Variants in DAGLA observed in about 807,000 individuals in gnomAD.
DAGLA encodes diacylglycerol lipase alpha.
In DAGLA, 22 loss-of-function variants were observed where a neutral mutation model predicts 102.6. That is an observed-to-expected ratio of 0.21 (90% confidence interval 0.15 to 0.31). The LOEUF (loss-of-function observed/expected upper bound fraction) is 0.31, where lower values mean the gene tolerates loss of function less well. Among genes scored for constraint, DAGLA ranks in the 10% least tolerant of loss-of-function variants. The pLI, the probability that DAGLA is intolerant of heterozygous loss-of-function variation, is 1.00. For missense variants in DAGLA, 927 were observed against 1,446.6 expected (o/e 0.64, Z 5.83); for synonymous variants, 578 against 628.9 (o/e 0.92, Z 1.21).
chr11:61,728,948 G>C lies in DAGLA; in HGVS notation c.789G>C (p.Leu263Phe). The C allele has an allele frequency of 1.2e-6, 2 of 1,614,144 alleles. No individual in the cohort carries two copies. The highest frequency in any genetic ancestry group is 2.2e-5 in the South Asian group (2 of 91,078). ...AVLDEANNDI[L>F]AFLSGMPVTR... ...TCTTACAGGCAAACAATGACATCTTGGCCTTCCTGTCTGGGATGCCGGTGA... is the reference window on the plus strand; with the variant it reads ...TCTTACAGGCAAACAATGACATCTTCGCCTTCCTGTCTGGGATGCCGGTGA... Residue 263 changes from leucine to phenylalanine, a missense_variant, in exon 8 of 20, where the codon TTG (leucine) becomes TTC (phenylalanine). Leu to Phe is a conservative substitution (Grantham distance 22). Around this residue, in one of 4 missense-constraint regions of DAGLA, gnomAD observed 231 missense variants for 439.8 expected, o/e 0.53. Coordinates refer to ENST00000257215, the MANE Select transcript of DAGLA (RefSeq NM_006133.3).
At chr11:61,696,478 G>T (rs920703532) in intron 1 of DAGLA, among the ~76,000 whole-genome samples, 5 of 152,242 alleles carry the variant, frequency 3.3e-5, no homozygotes, top group African/African-American at 9.6e-5. Flanking sequence ...CCCTCCAGGG[G>T]CCACATGCCT....
chr11:61,695,701 T>G (rs2065059416), intron 1 of DAGLA, among the ~76,000 whole-genome samples: 1 of 152,200 alleles, frequency 6.6e-6, no homozygotes, highest in Non-Finnish European at 1.5e-5. Context: ...CTCTCTCTCT[T>G]TCATCCCAGG....
intron 1 of DAGLA, among the ~76,000 whole-genome samples, chr11:61,714,001 A>G (rs1225783882): frequency 6.6e-6 from 1 of 152,194 alleles, no homozygotes; most frequent in African/African-American, 2.4e-5. Context: ...TCCCTTCAGG[A>G]CACCAAGGGT....
At chr11:61,720,928 C>T (rs372264972) in intron 3 of DAGLA, 38 bp downstream of exon 3, 27 of 1,571,150 alleles carry the variant, frequency 1.7e-5, no homozygotes, top group Non-Finnish European at 2.4e-5. Flanking sequence ...CCCCAGACAA[C>T]TCCCACCTCT....
chr11:61,743,444 C>A, intron 19 of DAGLA, 88 bp from the exon 20 acceptor site: 2 of 995,056 alleles, frequency 2.0e-6, no homozygotes, highest in South Asian at 1.7e-5. Flanking sequence ...CCCTTTATTC[C>A]CTGCAAGTTC....
chr11:61,728,149 G>C lies in DAGLA; in HGVS notation c.637-4G>C, dbSNP rs749135795. 6.2e-7 allele frequency: 1 copy of C among 1,613,744 alleles called. No individual in the cohort carries two copies. Among genetic ancestry groups the C allele is most frequent in the South Asian group, 1.1e-5 (1 of 91,070 alleles). ...ACTGCCTCCTGCCTTCCTGGACCTC[G>C]TAGGATGCCTACTCAGAAATCGCCT... On this transcript the variant is annotated splice_region_variant and splice_polypyrimidine_tract_variant and intron_variant, in intron 6 of 19. Transcript: ENST00000257215.
chr11:61,681,743 CTCTG>C (rs778860584), intron 1 of DAGLA, among the ~76,000 whole-genome samples: 1 of 152,298 alleles, frequency 6.6e-6, no homozygotes, highest in Non-Finnish European at 1.5e-5. Flanking sequence ...TTTCCAAGGG[CTCTG>C]TCTGTCCTCT....
chr11:61,715,704 C>A (rs1490411040), intron 1 of DAGLA, among the ~76,000 whole-genome samples: 1 of 152,228 alleles, frequency 6.6e-6, no homozygotes. Flanking sequence ...GCACCAGCAG[C>A]ACCTTCCAGA....
intron 9 of DAGLA, among the ~76,000 whole-genome samples, chr11:61,731,977 A>G (rs1423948148): frequency 6.6e-6 from 1 of 152,132 alleles, no homozygotes; most frequent in Non-Finnish European, 1.5e-5. Context: ...TAAGGCTCCA[A>G]CCTTCTTCAT....
rs1159124266 is a variant in DAGLA at position 61,734,228 on chromosome 11, AGTACGT to A, written c.975-616_975-611del. Among the ~76,000 whole-genome samples the A allele has an allele frequency of 6.6e-6, 1 of 151,036 alleles. No individual in the cohort carries two copies. Among genetic ancestry groups the A allele is most frequent in the Non-Finnish European group, 1.5e-5 (1 of 67,796 alleles). On this transcript the variant is annotated intron_variant, in intron 9 of 19. Transcript: ENST00000257215. The surrounding 1 kb of genome is among the most constrained non-coding windows in gnomAD (Gnocchi z 4.2). ...CAGCTCTGAGTCTGAAGGGAAGCCG[AGTACGT>A]GTACTGACCGAGTGGCATGGCCGTG...
At chr11:61,736,052 A>G (rs1591051596) in intron 12 of DAGLA, among the ~76,000 whole-genome samples, 1 of 152,118 alleles carries the variant, frequency 6.6e-6, no homozygotes, top group Non-Finnish European at 1.5e-5. Context: ...GAGAGATCAT[A>G]CCAGCTTCAT....
intron 1 of DAGLA, among the ~76,000 whole-genome samples, chr11:61,694,893 T>C (rs1591026056): frequency 6.6e-6 from 1 of 152,116 alleles, no homozygotes; most frequent in South Asian, 2.1e-4. Context: ...GGAAGAACCA[T>C]GGAGAGGGGA....
intron 1 of DAGLA, among the ~76,000 whole-genome samples, chr11:61,708,175 T>G (rs753919045): frequency 6.6e-6 from 1 of 152,032 alleles, no homozygotes. Flanking sequence ...GCCTGGCTAA[T>G]TTTTGTATTT....
intron 1 of DAGLA, among the ~76,000 whole-genome samples, chr11:61,706,556 A>G (rs1035297826): frequency 6.6e-6 from 1 of 152,086 alleles, no homozygotes; most frequent in Non-Finnish European, 1.5e-5. Flanking sequence ...GGCTCTGTCT[A>G]AAACAGGCGG....
Position 61,743,775 on chromosome 11 carries a change from C to T in DAGLA, c.2415C>T (p.Gly805=). 6.2e-7 allele frequency: 1 copy of T among 1,612,522 alleles called. No homozygotes were observed. Among genetic ancestry groups the T allele is most frequent in the East Asian group, 2.2e-5 (1 of 44,884 alleles). Residue 805 remains glycine (G), a synonymous_variant, in exon 20 of 20, where the codon GGC becomes GGT. Coordinates refer to ENST00000257215, the MANE Select transcript of DAGLA (RefSeq NM_006133.3). ...RRSSGFRSIR[G]SPSLHAVLER... is the part of the protein sequence containing the mutation. ...CCTCAGGCTTCCGCAGCATCCGGGGCTCCCCCAGCCTCCACGCTGTGCTGG... is the reference window on the plus strand; with the variant it reads ...CCTCAGGCTTCCGCAGCATCCGGGGTTCCCCCAGCCTCCACGCTGTGCTGG...
intron 1 of DAGLA, among the ~76,000 whole-genome samples, chr11:61,696,680 G>GA (rs1591027117): frequency 6.6e-6 from 1 of 152,168 alleles, no homozygotes; most frequent in African/African-American, 2.4e-5. Flanking sequence ...GAGAAAAGGG[G>GA]AAAACTGTAG....
Position 61,684,630 on chromosome 11 carries a change from G to C in DAGLA, c.-45+4126G>C, listed in dbSNP as rs1279214471. ...TTTTCATGGGGTGTTTGGCAGGAAC[G>C]CCTAAGTCCTCTAGATGGGGATGGG... On this transcript the variant is annotated intron_variant, in intron 1 of 19. Transcript: ENST00000257215. This position sits in a 1 kb window ranked among gnomAD's most constrained non-coding sequence, Gnocchi z 4.5. 6.6e-6 allele frequency among the ~76,000 whole-genome samples: 1 copy of C among 152,150 alleles called. No individual in the cohort carries two copies. The highest frequency in any genetic ancestry group is 2.4e-5 in the African/African-American group (1 of 41,412).
rs773197509 is a variant in DAGLA at position 61,744,339 on chromosome 11, G to A, written c.2979G>A (p.Pro993=). ...GCATCTCACTCTCGCCCTCCTTCCC[G>A]CTCAGCTCCTCGGGTGAGCTCATGG... ...SSGISLSPSF[P]LSSSGELMDL... is the part of the protein sequence containing the mutation. The change falls in exon 20 of 20, where the codon CCG becomes CCA. Residue 993 remains proline (P), a synonymous_variant. Transcript: ENST00000257215. The A allele has an allele frequency of 3.7e-6, 6 of 1,612,470 alleles. No individual in the cohort carries two copies. Among genetic ancestry groups the A allele is most frequent in the Admixed American group, 1.7e-5 (1 of 60,002 alleles).
intron 6 of DAGLA, among the ~76,000 whole-genome samples, 200 bp from the exon 7 acceptor site, chr11:61,727,953 C>A (rs374175246): frequency 1.3e-5 from 2 of 152,198 alleles, no homozygotes; most frequent in African/African-American, 4.8e-5. Context: ...TCTAGGAGCC[C>A]TGGGCAGGGC....
Sources: gnomAD v4.1 joint callset for allele counts (sites outside exome capture counted in the v4.1 genomes callset) on GRCh38, gnomAD v4.1.1 for gene constraint, gnomAD v4.1.1 regional missense constraint, Gnocchi (gnomAD v3.1) non-coding constraint, MANE v1.5 for transcripts, NCBI Gene and HGNC (gene_info 2026-07-23, HGNC 2026-07-21) for gene names.